LINGO2: variants seen among roughly 807,000 people sequenced by gnomAD.
The protein encoded by LINGO2 is leucine-rich repeat and immunoglobulin-like domain-containing nogo receptor-interacting protein 2.
In LINGO2, 14 loss-of-function variants were observed where a neutral mutation model predicts 30.6. The ratio of observed to expected loss-of-function variants is 0.46; its 90% CI spans 0.30 to 0.72. The LOEUF (loss-of-function observed/expected upper bound fraction) is 0.72. Ranked by LOEUF, LINGO2 falls within the 30% of genes least tolerant of loss-of-function variation. The probability of loss-of-function intolerance (pLI) is 0.07; values close to 1 mark genes in which losing one functional copy is unlikely to be tolerated. For synonymous variants in LINGO2, 317 were observed against 288.5 expected, an observed-to-expected ratio of 1.10 and a Z score of -1.00; for missense variants, 729 against 751.7, an observed-to-expected ratio of 0.97 and a Z score of 0.35.
intron 1 of LINGO2, among the ~76,000 whole-genome samples, chr9:28,644,220 T>C (rs1205382059): frequency 1.3e-5 from 2 of 151,948 alleles, no homozygotes; most frequent in African/African-American, 4.8e-5. Context: ...AGGAAATCAG[T>C]ATATCGAAGA....
intron 3 of LINGO2, among the ~76,000 whole-genome samples, chr9:28,322,345 A>C (rs1587464728): frequency 6.6e-6 from 1 of 152,230 alleles, no homozygotes; most frequent in Non-Finnish European, 1.5e-5. Flanking sequence ...CCACTTAAAA[A>C]ATATTACCTG....
At position 28,478,769 on chromosome 9, in the gene LINGO2, A is replaced by G. The variant is rs141435078; in HGVS notation, c.-364-2744T>C. On this transcript the variant is annotated intron_variant, in intron 1 of 5. Transcript: ENST00000379992. The stretch of plus-strand genomic sequence containing the variant: ...CTCTTACTTACTTTGTAATTTGTCA[A>G]TAATTCTGAATAAAGATTGTCCTTG... Among the ~76,000 whole-genome samples, 638 of 152,224 alleles carry G rather than the reference A, an allele frequency of 4.2e-3. 1 individual carries two copies. Among genetic ancestry groups the G allele is most frequent in the Non-Finnish European group, 6.2e-3 (423 of 67,944 alleles).
chr9:29,151,944 T>C, the LINGO2 span, among the ~76,000 whole-genome samples: 1 of 152,200 alleles, frequency 6.6e-6, no homozygotes, highest in East Asian at 1.9e-4. Context: ...AAAATAAAAA[T>C]GTTAATAGAC....
chr9:27,964,480 T>A (rs1355723496), intron 5 of LINGO2, among the ~76,000 whole-genome samples: 1 of 152,082 alleles, frequency 6.6e-6, no homozygotes, highest in African/African-American at 2.4e-5. Flanking sequence ...TGAGATTCTA[T>A]CTGTATAAAA....
At chr9:29,031,674 G>T in the LINGO2 span, among the ~76,000 whole-genome samples, 7 of 152,086 alleles carry the variant, frequency 4.6e-5, 1 homozygote, top group South Asian at 6.2e-4. Flanking sequence ...CGAAGTTTTG[G>T]GAATTCCTTC....
At chr9:28,107,364 T>C (rs951672246) in intron 4 of LINGO2, among the ~76,000 whole-genome samples, 5 of 152,190 alleles carry the variant, frequency 3.3e-5, no homozygotes, top group Non-Finnish European at 5.9e-5. Flanking sequence ...CATTTTTCTT[T>C]GGTATTGCCA....
chr9:28,734,379 T>G, the LINGO2 span, among the ~76,000 whole-genome samples: 1 of 152,318 alleles, frequency 6.6e-6, no homozygotes, highest in East Asian at 1.9e-4. Context: ...ATTTACAATT[T>G]ATAAATTACT....
At chr9:29,129,557 T>C in the LINGO2 span, among the ~76,000 whole-genome samples, 2 of 152,072 alleles carry the variant, frequency 1.3e-5, no homozygotes, top group Non-Finnish European at 2.9e-5. Context: ...AGGGCTTCAG[T>C]AAAATTTAAG....
At chr9:28,192,238 CAAAT>C (rs1359795934) in intron 4 of LINGO2, among the ~76,000 whole-genome samples, 1 of 151,924 alleles carries the variant, frequency 6.6e-6, no homozygotes, top group East Asian at 1.9e-4. Context: ...CTCATAGTCA[CAAAT>C]ATATATACAT....
the LINGO2 span, among the ~76,000 whole-genome samples, chr9:28,823,833 G>C: frequency 6.6e-6 from 1 of 152,150 alleles, no homozygotes; most frequent in African/African-American, 2.4e-5. Flanking sequence ...ATGATAAGCT[G>C]TACAGTCTCA....
chr9:28,539,966 G>A lies in LINGO2; in HGVS notation c.-364-63941C>T, dbSNP rs189323477. ...CTGAATATACTTCAACAGGATGCCCGAGTCATTTACTTTCCTATCTGTTTC... is the reference window on the plus strand; with the variant it reads ...CTGAATATACTTCAACAGGATGCCCAAGTCATTTACTTTCCTATCTGTTTC... On this transcript the variant is annotated intron_variant, in intron 1 of 5. Transcript: ENST00000379992. Among the ~76,000 whole-genome samples the A allele has an allele frequency of 7.2e-5, 11 of 152,200 alleles. No homozygotes were observed. In the South Asian group the frequency reaches 8.3e-4, roughly 11 times the overall value.
At chr9:29,100,608 T>C in the LINGO2 span, among the ~76,000 whole-genome samples, 33 of 149,932 alleles carry the variant, frequency 2.2e-4, no homozygotes, top group African/African-American at 7.6e-4. Flanking sequence ...AAAAAAAAGC[T>C]ACAAAAAATA....
the LINGO2 span, among the ~76,000 whole-genome samples, chr9:28,933,792 A>G: frequency 1.3e-5 from 2 of 152,206 alleles, no homozygotes; most frequent in African/African-American, 2.4e-5. Context: ...TTGGACTGGT[A>G]TCACCCTTGT....
At chr9:27,982,048 C>A (rs545897223) in intron 5 of LINGO2, among the ~76,000 whole-genome samples, 3 of 151,788 alleles carry the variant, frequency 2.0e-5, no homozygotes, top group Non-Finnish European at 4.4e-5. Context: ...TCTGTGAAAA[C>A]TGACTTTTCC....
the LINGO2 span, among the ~76,000 whole-genome samples, chr9:29,110,925 G>A: frequency 1.3e-5 from 2 of 151,656 alleles, 1 homozygote; most frequent in African/African-American, 4.8e-5. Flanking sequence ...TCTTCACCTC[G>A]TGATCCGCCC....
chr9:28,731,269 G>A, the LINGO2 span, among the ~76,000 whole-genome samples: 2 of 152,200 alleles, frequency 1.3e-5, no homozygotes, highest in African/African-American at 4.8e-5. Flanking sequence ...GATTACAGGA[G>A]TGAGCCACTG....
chr9:28,037,680 G>T (rs761365406), intron 4 of LINGO2, among the ~76,000 whole-genome samples: 3 of 152,244 alleles, frequency 2.0e-5, no homozygotes, highest in Non-Finnish European at 4.4e-5. Context: ...CATACAGCCA[G>T]AATTGCCATG....
chr9:29,148,252 T>C, the LINGO2 span, among the ~76,000 whole-genome samples: 5,776 of 152,272 alleles, frequency 0.038, 183 homozygotes, highest in Admixed American at 0.076. Context: ...AATGTACACA[T>C]TAAGCTGATC....
intron 4 of LINGO2, among the ~76,000 whole-genome samples, chr9:28,281,330 T>C (rs1275819400): frequency 6.6e-6 from 1 of 152,138 alleles, no homozygotes; most frequent in Admixed American, 6.6e-5. Flanking sequence ...TGTAATTCAT[T>C]TCTAAAGTAA....
Sources: allele counts gnomAD v4.1 joint callset (sites outside exome capture counted in the v4.1 genomes callset), GRCh38; gene constraint gnomAD v4.1.1; transcripts MANE v1.5; gene names NCBI Gene and HGNC (gene_info 2026-07-23, HGNC 2026-07-21).